Variants in ESRRG observed in about 807,000 individuals in gnomAD.
The protein encoded by ESRRG is estrogen related receptor gamma, also known as estrogen-related receptor gamma.
A neutral mutation model predicts 44.0 loss-of-function variants in ESRRG; 13 were observed. The observed-to-expected ratio is 0.30, with a 90% CI of 0.19 to 0.47. The LOEUF (loss-of-function observed/expected upper bound fraction) is 0.47. Ranked by LOEUF, ESRRG falls within the 20% of genes least tolerant of loss-of-function variation. The pLI is 1.00. For synonymous variants in ESRRG, 215 were observed against 214.6 expected (o/e 1.00, Z -0.02); for missense variants, 395 against 580.6 (o/e 0.68, Z 3.29).
At chr1:216,942,034 G>A (rs528946363) in intron 1 of ESRRG, among the ~76,000 whole-genome samples, 9 of 152,144 alleles carry the variant, frequency 5.9e-5, no homozygotes, top group South Asian at 4.2e-4. Context: ...ACATAGTACC[G>A]GACAGAAAGT....
chr1:216,947,828 A>G (rs960965649), intron 1 of ESRRG, among the ~76,000 whole-genome samples: 1 of 152,122 alleles, frequency 6.6e-6, no homozygotes, highest in African/African-American at 2.4e-5. Flanking sequence ...GCCACTCTTA[A>G]GCTTATATAA....
chr1:216,508,695 G>C (rs1465181464), intron 6 of ESRRG, among the ~76,000 whole-genome samples: 1 of 152,130 alleles, frequency 6.6e-6, no homozygotes, highest in African/African-American at 2.4e-5. Context: ...AGTTGTCTAG[G>C]GGTTGGTAAT....
chr1:217,056,071 C>A (rs1239046410), intron 1 of ESRRG, among the ~76,000 whole-genome samples: 2 of 152,052 alleles, frequency 1.3e-5, no homozygotes, highest in African/African-American at 4.8e-5. Flanking sequence ...TTATATTTAA[C>A]ATTTCTGGTC....
chr1:217,029,261 TA>T (rs2081674110), intron 1 of ESRRG, among the ~76,000 whole-genome samples: 1 of 152,134 alleles, frequency 6.6e-6, no homozygotes. Flanking sequence ...GGGCATAAAA[TA>T]ATAAGAAAAA....
In ESRRG at chr1:216,576,823, T is replaced by C. The variant is rs961530269; in HGVS notation, c.590-8725A>G. ...CTATGACACATACAAGTACAAATTA[T>C]GTCATCTGCAACAGGTGACAAGTTT... On this transcript the variant is annotated intron_variant, in intron 3 of 6. Transcript: ENST00000408911. 7.2e-5 allele frequency among the ~76,000 whole-genome samples: 11 copies of C among 152,122 alleles called. No individual in the cohort carries two copies. In the East Asian group the frequency reaches 2.1e-3, roughly 29 times the overall value.
At chr1:217,044,276 C>T (rs2084441624) in intron 1 of ESRRG, among the ~76,000 whole-genome samples, 1 of 152,162 alleles carries the variant, frequency 6.6e-6, no homozygotes, top group African/African-American at 2.4e-5. Flanking sequence ...AGCCACTGCA[C>T]ATTAGCCTCC....
chr1:216,789,961 C>T (rs572154046), intron 2 of ESRRG, among the ~76,000 whole-genome samples: 4 of 152,252 alleles, frequency 2.6e-5, no homozygotes, highest in Non-Finnish European at 5.9e-5. Context: ...TGTGACTAAG[C>T]TCCTACCAAT....
chr1:217,025,054 A>T (rs1255177165), intron 1 of ESRRG, among the ~76,000 whole-genome samples: 2 of 152,174 alleles, frequency 1.3e-5, no homozygotes, highest in African/African-American at 4.8e-5. Context: ...CTTCCTCGTT[A>T]TCCTGCTCAG....
At chr1:217,009,837 C>G (rs1320343337) in intron 1 of ESRRG, among the ~76,000 whole-genome samples, 2 of 151,150 alleles carry the variant, frequency 1.3e-5, no homozygotes, top group East Asian at 3.9e-4. Flanking sequence ...TCCCAAGTAG[C>G]TGAGATTACA....
At chr1:217,056,509 CATTGAT>C (rs1271359471) in intron 1 of ESRRG, among the ~76,000 whole-genome samples, 3 of 151,766 alleles carry the variant, frequency 2.0e-5, no homozygotes, top group Non-Finnish European at 4.4e-5. Context: ...AACATGGTGC[CATTGAT>C]ATTGTGTTGA....
At chr1:217,059,267 ATAAAG>A (rs1364442698) in intron 1 of ESRRG, among the ~76,000 whole-genome samples, 1 of 151,324 alleles carries the variant, frequency 6.6e-6, no homozygotes, top group Non-Finnish European at 1.5e-5. Flanking sequence ...TTATTATATA[ATAAAG>A]TAAGCTATAG....
chr1:217,066,082 G>A (rs2089608555), intron 1 of ESRRG, among the ~76,000 whole-genome samples: 1 of 152,174 alleles, frequency 6.6e-6, no homozygotes, highest in African/African-American at 2.4e-5. Flanking sequence ...GGTACATTTA[G>A]TAAGCTCTCT....
chr1:216,506,971 G>A lies in ESRRG; in HGVS notation c.1345C>T (p.Leu449Phe). The A allele has an allele frequency of 6.2e-7, 1 of 1,614,128 alleles. No homozygotes were observed. The highest frequency in any genetic ancestry group is 8.5e-7 in the Non-Finnish European group (1 of 1,180,008). ...TTGGCCTCCAACATTTCCAAAAAAA[G>A]TTTGTGCATTGGGACTTTGCCTTCT... is the stretch of plus-strand genomic sequence containing the variant. ...KLEGKVPMHK[L>F]FLEMLEAKV The change falls in exon 7 of 7, where the codon CTT becomes TTT. Residue 449 changes from leucine (L) to phenylalanine (F), a missense_variant. Physicochemically the swap from Leu to Phe is conservative, Grantham distance 22 (BLOSUM62 0). This residue lies in a region of ESRRG where 8 missense variants were observed against 25.4 expected (regional missense o/e 0.32). Transcript: ENST00000408911.
At chr1:217,137,254 C>G (rs1057164437) in intron 1 of ESRRG, among the ~76,000 whole-genome samples, 1 of 152,232 alleles carries the variant, frequency 6.6e-6, no homozygotes, top group African/African-American at 2.4e-5. Context: ...TCGCGCCTTT[C>G]CTAACACCGC....
At chr1:216,576,446 T>A (rs1394361993) in intron 3 of ESRRG, among the ~76,000 whole-genome samples, 1 of 151,800 alleles carries the variant, frequency 6.6e-6, no homozygotes, top group East Asian at 1.9e-4. Context: ...CAAGGGGAAG[T>A]CTTTCGTTTT....
intron 1 of ESRRG, among the ~76,000 whole-genome samples, chr1:216,680,017 T>A (rs1344755230): frequency 2.6e-5 from 4 of 152,088 alleles, no homozygotes; most frequent in Admixed American, 6.5e-5. Context: ...GCCAGAAAGG[T>A]CCTTAAAACA....
intron 3 of ESRRG, among the ~76,000 whole-genome samples, chr1:216,613,019 A>T (rs946646067): frequency 1.1e-4 from 17 of 152,144 alleles, no homozygotes; most frequent in Admixed American, 1.1e-3. Context: ...TTCGAATTGA[A>T]CTGTAAATTG....
At chr1:216,680,281 G>A (rs1407460354) in intron 1 of ESRRG, among the ~76,000 whole-genome samples, 1 of 152,154 alleles carries the variant, frequency 6.6e-6, no homozygotes, top group Admixed American at 6.5e-5. Flanking sequence ...CGTAAGGGAG[G>A]TATTTCTCTT....
At chr1:216,965,617 C>T (rs1015496870) in intron 1 of ESRRG, among the ~76,000 whole-genome samples, 3 of 152,108 alleles carry the variant, frequency 2.0e-5, no homozygotes, top group Admixed American at 1.3e-4. Flanking sequence ...GGTCTGACTC[C>T]ATCCTCCCAG....
Sources: allele counts gnomAD v4.1 joint callset (sites outside exome capture counted in the v4.1 genomes callset), GRCh38; gene constraint gnomAD v4.1.1; regional missense constraint gnomAD v4.1.1; transcripts MANE v1.5; gene names NCBI Gene and HGNC (gene_info 2026-07-23, HGNC 2026-07-21).